Variants in FAAH2 observed in about 807,000 individuals in gnomAD.
FAAH2 encodes fatty acid amide hydrolase 2, also known as fatty-acid amide hydrolase 2.
FAAH2 carries 60 observed loss-of-function variants against 36.9 expected under a neutral mutation model. The ratio of observed to expected loss-of-function variants is 1.63; its 90% CI spans 1.32 to 2.02. The LOEUF is 2.02. Among genes scored for constraint, FAAH2 ranks in the 30% most tolerant of loss-of-function variants. FAAH2 has a pLI of 0.00. For synonymous variants in FAAH2, 214 were observed against 143.8 expected (o/e 1.49, Z -3.49); for missense variants, 689 against 397.5 (o/e 1.73, Z -6.23).
chrX:57,306,930 G>GCACAC (rs1328675070), intron 2 of FAAH2, among the ~76,000 whole-genome samples: 1 of 75,289 alleles, frequency 1.3e-5, no homozygotes, highest in East Asian at 4.2e-4. Context: ...TATATAGTGT[G>GCACAC]TATATATACT....
intron 5 of FAAH2, among the ~76,000 whole-genome samples, chrX:57,363,574 G>C (rs1219981258): frequency 2.7e-5 from 3 of 110,855 alleles, no homozygotes; most frequent in African/African-American, 9.8e-5. Flanking sequence ...TTGCCTGATT[G>C]CTCTGGCTAG....
the FAAH2 span, among the ~76,000 whole-genome samples, chrX:57,279,527 A>G: frequency 9.0e-6 from 1 of 111,339 alleles, no homozygotes; most frequent in Non-Finnish European, 1.9e-5. Flanking sequence ...GGTGCAGCAA[A>G]CCACCAAGGC....
At chrX:57,363,491 T>A (rs1223593173) in intron 5 of FAAH2, among the ~76,000 whole-genome samples, 1 of 111,693 alleles carries the variant, frequency 9.0e-6, no homozygotes, top group East Asian at 2.8e-4. Context: ...TTTCTATGTA[T>A]AAGACTATAT....
At chrX:57,378,623 C>A (rs181091433) in intron 5 of FAAH2, 28 bp from the exon 6 acceptor site, 2 of 1,207,049 alleles carry the variant, frequency 1.7e-6, no homozygotes, top group South Asian at 1.8e-5. Flanking sequence ...TTATTTTGGG[C>A]GGCTAACCTG....
At chrX:57,219,939 G>A in the FAAH2 span, among the ~76,000 whole-genome samples, 1 of 88,473 alleles carries the variant, frequency 1.1e-5, no homozygotes, top group Non-Finnish European at 2.1e-5. Context: ...CAAATGGCCC[G>A]CAAATGGAAC....
intron 10 of FAAH2, among the ~76,000 whole-genome samples, chrX:57,470,532 C>T (rs1439774558): frequency 1.8e-5 from 2 of 111,160 alleles, no homozygotes; most frequent in Non-Finnish European, 3.8e-5. Flanking sequence ...CATACACCCC[C>T]TAAGACTAAA....
At chrX:57,227,144 C>G in the FAAH2 span, among the ~76,000 whole-genome samples, 7 of 111,100 alleles carry the variant, frequency 6.3e-5, no homozygotes, top group Non-Finnish European at 1.1e-4. Flanking sequence ...CTCCTGCTTT[C>G]TTTTTCAGGT....
the FAAH2 span, among the ~76,000 whole-genome samples, chrX:57,237,613 C>A: frequency 9.0e-6 from 1 of 110,636 alleles, no homozygotes; most frequent in South Asian, 3.8e-4. Context: ...AAATTAACTC[C>A]TTTTCAATTG....
At position 57,292,540 on chromosome X, in the gene FAAH2, A is replaced by C; in HGVS notation, c.235A>C (p.Lys79Gln). The C allele has an allele frequency of 2.5e-6, 3 of 1,210,322 alleles. No homozygotes were observed. The highest frequency in any genetic ancestry group is 3.4e-6 in the Non-Finnish European group (3 of 894,561). The change falls in exon 2 of 11, where the codon AAG becomes CAG. Residue 79 changes from lysine (K) to glutamine (Q), a missense_variant. Transcript: ENST00000374900. ...DVVQAYINRI[K>Q]DVNPMINGIV... ...TGTTCAGGCTTATATCAACAGAATC[A>C]AGGACGTGAACCCAATGATCAATGG...
chrX:57,220,786 C>A, the FAAH2 span, among the ~76,000 whole-genome samples: 4 of 111,667 alleles, frequency 3.6e-5, no homozygotes, highest in African/African-American at 1.3e-4. Flanking sequence ...CAGTCCATGC[C>A]CCTCTCTGCG....
intron 7 of FAAH2, chrX:57,393,979 G>A (rs1013275744): frequency 1.3e-6 from 1 of 782,222 alleles, no homozygotes; most frequent in Non-Finnish European, 2.0e-6. Context: ...GGATATCAGA[G>A]AACTTTCTCA....
the FAAH2 span, among the ~76,000 whole-genome samples, chrX:57,185,251 C>A: frequency 1.8e-5 from 2 of 110,863 alleles, no homozygotes; most frequent in African/African-American, 3.3e-5. Context: ...CTACCCTTCC[C>A]AGCCTCTGGT....
At chrX:57,149,809 A>G in the FAAH2 span, among the ~76,000 whole-genome samples, 1 of 110,928 alleles carries the variant, frequency 9.0e-6, no homozygotes. Flanking sequence ...CAGCTTTTGA[A>G]TGTGTTTGCT....
At chrX:57,488,204 G>A (rs377351169) in intron 10 of FAAH2, among the ~76,000 whole-genome samples, 4 of 111,046 alleles carry the variant, frequency 3.6e-5, no homozygotes, top group African/African-American at 9.8e-5. Flanking sequence ...ATTTGAAACG[G>A]GGAATCTTAT....
At chrX:57,443,185 G>C (rs924745771) in intron 8 of FAAH2, among the ~76,000 whole-genome samples, 1 of 111,742 alleles carries the variant, frequency 8.9e-6, no homozygotes, top group African/African-American at 3.3e-5. Context: ...AAGTTCTCCT[G>C]GATAATATCC....
At chrX:57,443,992 C>A (rs1367278355) in intron 8 of FAAH2, among the ~76,000 whole-genome samples, 2 of 111,655 alleles carry the variant, frequency 1.8e-5, no homozygotes, top group African/African-American at 6.5e-5. Flanking sequence ...TCAGGGGCAT[C>A]CAGCTCTGTA....
the FAAH2 span, among the ~76,000 whole-genome samples, chrX:57,279,634 C>G: frequency 9.0e-6 from 1 of 111,605 alleles, no homozygotes; most frequent in Admixed American, 9.6e-5. Context: ...AAAAGAAAAG[C>G]TTATTTATCA....
the FAAH2 span, among the ~76,000 whole-genome samples, chrX:57,188,696 C>T: frequency 1.8e-5 from 2 of 110,905 alleles, no homozygotes; most frequent in African/African-American, 6.6e-5. Flanking sequence ...GCATTTAGTG[C>T]TATAAATTTA....
chrX:57,442,805 G>T (rs888339349), intron 8 of FAAH2, among the ~76,000 whole-genome samples: 23 of 111,450 alleles, frequency 2.1e-4, no homozygotes, highest in Non-Finnish European at 4.0e-4. Flanking sequence ...GGCAGGCCTG[G>T]TGGTGACAAA....
Sources: gnomAD v4.1 joint callset for allele counts (sites outside exome capture counted in the v4.1 genomes callset) on GRCh38, gnomAD v4.1.1 for gene constraint, MANE v1.5 for transcripts, NCBI Gene and HGNC (gene_info 2026-07-23, HGNC 2026-07-21) for gene names.